Variants in SFXN2 observed in about 807,000 individuals in gnomAD.
SFXN2 encodes sideroflexin 2.
SFXN2 carries 37 observed loss-of-function variants against 41.9 expected under a neutral mutation model. That is an observed-to-expected ratio of 0.88 (90% CI 0.68 to 1.16). The LOEUF is 1.16. SFXN2 is among the 50% of genes most tolerant of loss of function. The probability of loss-of-function intolerance (pLI) is 0.00; values close to 1 mark genes in which losing one functional copy is unlikely to be tolerated. For missense variants in SFXN2, 386 were observed against 425.2 expected (o/e 0.91, Z 0.81); for synonymous variants, 150 against 156.7 (o/e 0.96, Z 0.32).
At chr10:102,728,391 C>T (rs1322706799) in intron 3 of SFXN2, 40 bp from the exon 4 acceptor site, 3 of 1,570,450 alleles carry the variant, frequency 1.9e-6, no homozygotes, top group Non-Finnish European at 2.6e-6. Context: ...TCCCTGCCAT[C>T]TGACTTCTCT....
chr10:102,729,562 T>C, intron 5 of SFXN2, 161 bp from the exon 6 acceptor site: 1 of 1,112,092 alleles, frequency 9.0e-7, no homozygotes, highest in East Asian at 2.4e-5. Flanking sequence ...AGGTTGGTTC[T>C]TCTTGGGCCT....
In SFXN2 at chr10:102,732,201, T is replaced by C. The variant is rs145922011; in HGVS notation, c.704T>C (p.Met235Thr). 1.2e-5 allele frequency: 19 copies of C among 1,614,038 alleles called. No homozygotes were observed. In the East Asian group the frequency reaches 4.0e-4, roughly 34 times the overall value. Residue 235 changes from methionine (M) to threonine (T), a missense_variant, in exon 8 of 12, where the codon ATG becomes ACG. Coordinates refer to ENST00000369893, the MANE Select transcript of SFXN2 (RefSeq NM_178858.6). ...CAAGTAGTTATTTCTCGGATCACCA[T>C]GTCAGCTCCTGGGATGAGTAAGATG... is the stretch of plus-strand genomic sequence containing the variant. ...ITQVVISRIT[M>T]SAPGMILLPV...
intron 1 of SFXN2, among the ~76,000 whole-genome samples, chr10:102,717,030 G>A (rs1321710378): frequency 6.6e-6 from 1 of 151,894 alleles, no homozygotes; most frequent in Non-Finnish European, 1.5e-5. Context: ...CACTGTGGTG[G>A]CCCAATCCAT....
chr10:102,729,726 G>C lies in SFXN2; in HGVS notation c.511G>C (p.Ala171Pro). The C allele has an allele frequency of 6.2e-7, 1 of 1,613,940 alleles. No homozygotes were observed. Among genetic ancestry groups the C allele is most frequent in the Middle Eastern group, 1.6e-4 (1 of 6,062 alleles). ...AVGMNMLTKK[A>P]PPLVGRWVPF... Reference sequence around the variant, plus strand: ...TACTGTTCTCTTCCCCCAACAGAAAGCGCCGCCCTTGGTGGGCCGCTGGGT... The same window carrying C: ...TACTGTTCTCTTCCCCCAACAGAAACCGCCGCCCTTGGTGGGCCGCTGGGT... The change falls in exon 6 of 12, where the codon GCG becomes CCG. Residue 171 changes from alanine to proline, a missense_variant. Transcript: ENST00000369893.
At position 102,731,766 on chromosome 10, in the gene SFXN2, G is replaced by A. The variant is rs752735475; in HGVS notation, c.637G>A (p.Glu213Lys). 1 of 1,614,000 alleles carries A rather than the reference G, an allele frequency of 6.2e-7. No homozygotes were observed. The highest frequency in any genetic ancestry group is 1.7e-5 in the Admixed American group (1 of 60,008). The change falls in exon 7 of 12, where the codon GAG (glutamate) becomes AAG (lysine). Residue 213 changes from glutamate (E) to lysine (K), a missense_variant. By Grantham distance (56) the Glu-to-Lys change is moderately conservative (BLOSUM62 1). Coordinates refer to ENST00000369893, the MANE Select transcript of SFXN2 (RefSeq NM_178858.6). Reference sequence around the variant, plus strand: ...CTGCGTGAAGGACAGGAATGAAAATGAGATTGGTCATTCCCGGGTGAGCAG... The same window carrying A: ...CTGCGTGAAGGACAGGAATGAAAATAAGATTGGTCATTCCCGGGTGAGCAG... ...GICVKDRNEN[E>K]IGHSRRAAAI...
Position 102,734,862 on chromosome 10 carries a change from T to C in SFXN2, c.822-1000T>C, listed in dbSNP as rs2064752326. On this transcript the variant is annotated intron_variant, in intron 10 of 11. Transcript: ENST00000369893. This position sits in a 1 kb window ranked among gnomAD's most constrained non-coding sequence, Gnocchi z 4.1. ...CTGGTCCATGCCAGCATCGTTGGCA[T>C]CCTCTGATAACTTGTTAGAAGTAAA... 6.6e-6 allele frequency among the ~76,000 whole-genome samples: 1 copy of C among 152,136 alleles called. No homozygotes were observed. Among genetic ancestry groups the C allele is most frequent in the South Asian group, 2.1e-4 (1 of 4,830 alleles).
Position 102,737,723 on chromosome 10 carries a change from A to C in SFXN2, c.930A>C (p.Gly310=). Residue 310 remains glycine, a synonymous_variant, in exon 12 of 12, where the codon GGA becomes GGC. Transcript: ENST00000369893. ...KLQDTIKAKY[G]ELEPYVYFNK... ...AAGACACTATCAAGGCCAAGTATGG[A>C]GAACTTGAGCCTTATGTCTACTTCA... 1 of 1,613,268 alleles carries C rather than the reference A, an allele frequency of 6.2e-7. No individual in the cohort carries two copies. The highest frequency in any genetic ancestry group is 8.5e-7 in the Non-Finnish European group (1 of 1,179,344).
intron 5 of SFXN2, 67 bp downstream of exon 5, chr10:102,729,461 T>C (rs984247426): frequency 6.4e-7 from 1 of 1,561,688 alleles, no homozygotes; most frequent in Non-Finnish European, 8.8e-7. Flanking sequence ...GAAAACGTCC[T>C]TCCCCCAGGG....
chr10:102,724,813 A>G (rs2064565566), intron 1 of SFXN2: 1 of 152,152 alleles, frequency 6.6e-6, no homozygotes, highest in Non-Finnish European at 1.5e-5. Flanking sequence ...TTAATTAATT[A>G]ATTAATTTTA....
intron 1 of SFXN2, among the ~76,000 whole-genome samples, chr10:102,719,581 T>G (rs1424088324): frequency 6.6e-6 from 1 of 152,154 alleles, no homozygotes; most frequent in African/African-American, 2.4e-5. Flanking sequence ...CTCTCTCCTC[T>G]TCCCATTCTG....
At chr10:102,736,005 G>A (rs1258196381) in intron 11 of SFXN2, 96 bp downstream of exon 11, 1 of 1,210,448 alleles carries the variant, frequency 8.3e-7, no homozygotes, top group Non-Finnish European at 1.2e-6. Flanking sequence ...GGAAGGGGCA[G>A]GAAGGGCAGC....
chr10:102,732,153 G>T lies in SFXN2; in HGVS notation c.656G>T (p.Arg219Ile). Residue 219 changes from arginine (R) to isoleucine (I), a missense_variant and splice_region_variant, in exon 8 of 12, where the codon AGA (arginine) becomes ATA (isoleucine). Physicochemically the swap from Arg to Ile is moderately conservative, Grantham distance 97. Transcript: ENST00000369893. ...RNENEIGHSR[R>I]AAAIGITQVV... is the part of the protein sequence containing the mutation. ...CAACTTACTATTTTCTGCCCTCAGAGAGCTGCGGCCATAGGCATCACCCAA... is the reference window on the plus strand; with the variant it reads ...CAACTTACTATTTTCTGCCCTCAGATAGCTGCGGCCATAGGCATCACCCAA... 1 of 1,613,772 alleles carries T rather than the reference G, an allele frequency of 6.2e-7. No homozygotes were observed. Among genetic ancestry groups the T allele is most frequent in the Non-Finnish European group, 8.5e-7 (1 of 1,179,816 alleles).
chr10:102,726,921 A>C, intron 2 of SFXN2, 66 bp from the exon 3 acceptor site: 1 of 1,579,858 alleles, frequency 6.3e-7, no homozygotes, highest in Non-Finnish European at 8.6e-7. Context: ...GGAAGAAGTG[A>C]GAGTGGGGAG....
chr10:102,733,938 A>T (rs1240866921), intron 10 of SFXN2, among the ~76,000 whole-genome samples: 3 of 150,460 alleles, frequency 2.0e-5, no homozygotes, highest in Non-Finnish European at 4.4e-5. Flanking sequence ...CCCAGTCTGG[A>T]GTGCAATGGC....
intron 1 of SFXN2, among the ~76,000 whole-genome samples, chr10:102,721,068 C>A (rs769449318): frequency 4.6e-5 from 7 of 152,306 alleles, no homozygotes; most frequent in South Asian, 2.1e-4. Context: ...CCATTACCCG[C>A]GTTGCTCCCT....
intron 8 of SFXN2, among the ~76,000 whole-genome samples, chr10:102,732,638 G>C (rs982244396): frequency 2.6e-5 from 4 of 152,214 alleles, no homozygotes; most frequent in African/African-American, 9.6e-5. Flanking sequence ...TATTGCAAGT[G>C]TGCAGGTTGA....
intron 10 of SFXN2, among the ~76,000 whole-genome samples, chr10:102,735,547 G>A (rs997546725): frequency 7.9e-5 from 12 of 151,840 alleles, no homozygotes; most frequent in Admixed American, 1.3e-4. Context: ...CCTTTCGCTC[G>A]ATGCCAGCAG....
chr10:102,736,192 C>G (rs752988889), intron 11 of SFXN2, among the ~76,000 whole-genome samples: 2 of 152,160 alleles, frequency 1.3e-5, no homozygotes, highest in Non-Finnish European at 2.9e-5. Context: ...CAACAACAGA[C>G]TTTCTCTTCC....
At chr10:102,728,001 A>C (rs1278050942) in intron 3 of SFXN2, among the ~76,000 whole-genome samples, 1 of 152,102 alleles carries the variant, frequency 6.6e-6, no homozygotes, top group Non-Finnish European at 1.5e-5. Flanking sequence ...CAGGTGCATA[A>C]AACAGTATGG....
Sources: gnomAD v4.1 joint callset for allele counts (sites outside exome capture counted in the v4.1 genomes callset) on GRCh38, gnomAD v4.1.1 for gene constraint, Gnocchi (gnomAD v3.1) non-coding constraint, MANE v1.5 for transcripts, NCBI Gene and HGNC (gene_info 2026-07-23, HGNC 2026-07-21) for gene names.